PTPRM: variants seen among roughly 807,000 people sequenced by gnomAD.
The protein encoded by PTPRM is receptor-type tyrosine-protein phosphatase mu.
A neutral mutation model predicts 186.7 loss-of-function variants in PTPRM; 47 were observed. The observed-to-expected ratio is 0.25, with a 90% CI of 0.20 to 0.32. The LOEUF (loss-of-function observed/expected upper bound fraction) is 0.32. PTPRM is among the 10% of genes least tolerant of loss of function. The probability of loss-of-function intolerance (pLI) is 1.00; values close to 1 mark genes in which losing one functional copy is unlikely to be tolerated. For synonymous variants in PTPRM, 668 were observed against 674.9 expected (o/e 0.99, Z 0.16); for missense variants, 1,494 against 1,865.0 (o/e 0.80, Z 3.66).
intron 1 of PTPRM, among the ~76,000 whole-genome samples, chr18:7,702,498 G>A (rs964090891): frequency 2.6e-5 from 4 of 152,132 alleles, no homozygotes; most frequent in African/African-American, 9.7e-5. Context: ...CTTTTGATAA[G>A]TGTCTGTTCA....
At chr18:7,600,149 A>G (rs1486507206) in intron 1 of PTPRM, among the ~76,000 whole-genome samples, 1 of 152,166 alleles carries the variant, frequency 6.6e-6, no homozygotes, top group Non-Finnish European at 1.5e-5. Context: ...TGTTTGCTGA[A>G]GGGTAAGTTA....
At chr18:8,402,539 A>G (rs2095877636) in intron 32 of PTPRM, among the ~76,000 whole-genome samples, 1 of 152,226 alleles carries the variant, frequency 6.6e-6, no homozygotes, top group Non-Finnish European at 1.5e-5. Flanking sequence ...CTGAGTAGCC[A>G]CTGAAATTAA....
intron 7 of PTPRM, among the ~76,000 whole-genome samples, chr18:7,997,886 G>A (rs1466494463): frequency 6.6e-6 from 1 of 152,148 alleles, no homozygotes; most frequent in Non-Finnish European, 1.5e-5. Context: ...ACAGATACTG[G>A]CAAGGATGCA....
chr18:8,298,600 C>T (rs1408282071), intron 20 of PTPRM, among the ~76,000 whole-genome samples: 1 of 152,222 alleles, frequency 6.6e-6, no homozygotes, highest in Non-Finnish European at 1.5e-5. Flanking sequence ...TGAGCACTTA[C>T]ATATGCCAGA....
At chr18:8,261,162 T>C (rs1283154939) in intron 19 of PTPRM, among the ~76,000 whole-genome samples, 2 of 152,186 alleles carry the variant, frequency 1.3e-5, no homozygotes, top group African/African-American at 4.8e-5. Flanking sequence ...AGTCAATCAA[T>C]TGGCACAATC....
chr18:8,143,856 C>G, intron 14 of PTPRM, 77 bp downstream of exon 14: 1 of 1,545,272 alleles, frequency 6.5e-7, no homozygotes, highest in Non-Finnish European at 8.9e-7. Context: ...TGAAAATTCT[C>G]AGTTACTGAA....
chr18:7,816,945 C>T (rs926643360), intron 2 of PTPRM, among the ~76,000 whole-genome samples: 7 of 150,948 alleles, frequency 4.6e-5, no homozygotes, highest in African/African-American at 1.2e-4. Context: ...GAGAAGAAAA[C>T]GTCTTTTATT....
chr18:7,972,829 A>G (rs984232885), intron 7 of PTPRM, among the ~76,000 whole-genome samples: 1 of 152,120 alleles, frequency 6.6e-6, no homozygotes, highest in Non-Finnish European at 1.5e-5. Flanking sequence ...GCCAGAAATC[A>G]TCATCGTTAA....
At chr18:8,375,767 A>G (rs2095690657) in intron 24 of PTPRM, among the ~76,000 whole-genome samples, 1 of 152,214 alleles carries the variant, frequency 6.6e-6, no homozygotes, top group African/African-American at 2.4e-5. Flanking sequence ...AGGAATTTCA[A>G]ACAACCCAAC....
At chr18:8,347,548 G>A (rs2095511925) in intron 23 of PTPRM, among the ~76,000 whole-genome samples, 2 of 152,196 alleles carry the variant, frequency 1.3e-5, no homozygotes, top group African/African-American at 2.4e-5. Flanking sequence ...GAGCGACCTG[G>A]GTTTAGAAAA....
At chr18:8,376,221 T>G in intron 25 of PTPRM, 21 bp downstream of exon 25, 4 of 1,603,940 alleles carry the variant, frequency 2.5e-6, no homozygotes, top group Non-Finnish European at 1.7e-6. Flanking sequence ...CTCCAGAGCC[T>G]CTTGAAGGAA....
chr18:7,818,557 G>A (rs1286695484), intron 2 of PTPRM, among the ~76,000 whole-genome samples: 3 of 152,138 alleles, frequency 2.0e-5, no homozygotes, highest in Non-Finnish European at 4.4e-5. Flanking sequence ...TTCTGAGAGA[G>A]GATAAAGAAA....
At chr18:8,329,184 GT>G (rs1381270518) in intron 22 of PTPRM, among the ~76,000 whole-genome samples, 1 of 152,216 alleles carries the variant, frequency 6.6e-6, no homozygotes, top group Non-Finnish European at 1.5e-5. Flanking sequence ...CTCATTTGAA[GT>G]AGAAAATTTG....
At chr18:8,024,437 CAGTT>C (rs2085433875) in intron 7 of PTPRM, among the ~76,000 whole-genome samples, 1 of 152,094 alleles carries the variant, frequency 6.6e-6, no homozygotes, top group Non-Finnish European at 1.5e-5. Context: ...AATATAGTGG[CAGTT>C]TCATGGCTTG....
chr18:7,975,598 T>C (rs75827562), intron 7 of PTPRM, among the ~76,000 whole-genome samples: 5,144 of 152,300 alleles, frequency 0.034, 290 homozygotes, highest in African/African-American at 0.12. Flanking sequence ...TCCTTTAAGA[T>C]TATAACGGAG....
At chr18:7,935,818 C>G (rs1479787565) in intron 5 of PTPRM, among the ~76,000 whole-genome samples, 2 of 152,074 alleles carry the variant, frequency 1.3e-5, no homozygotes, top group Non-Finnish European at 2.9e-5. Context: ...TCACCTTCCT[C>G]CCACCCTCCA....
At chr18:8,365,640 C>G (rs1312521224) in intron 23 of PTPRM, 1 of 152,288 alleles carries the variant, frequency 6.6e-6, no homozygotes, top group Non-Finnish European at 1.5e-5. Flanking sequence ...CTCTCTCCCT[C>G]TCTCTCCTCT....
chr18:8,240,353 G>A (rs550967852), intron 14 of PTPRM, among the ~76,000 whole-genome samples: 23 of 150,768 alleles, frequency 1.5e-4, no homozygotes, highest in Non-Finnish European at 2.5e-4. Flanking sequence ...GGAGAATGGC[G>A]TGAACTCAGG....
chr18:8,231,236 C>T (rs963197200), intron 14 of PTPRM, among the ~76,000 whole-genome samples: 1 of 152,172 alleles, frequency 6.6e-6, no homozygotes. Context: ...TAATCAGGCT[C>T]TGGGGAACCA....
Sources: gnomAD v4.1 joint callset for allele counts (sites outside exome capture counted in the v4.1 genomes callset) on GRCh38, gnomAD v4.1.1 for gene constraint, MANE v1.5 for transcripts, NCBI Gene and HGNC (gene_info 2026-07-23, HGNC 2026-07-21) for gene names.